Variants in TMED3 observed in about 807,000 individuals in gnomAD.
TMED3 encodes the protein transmembrane emp24 domain-containing protein 3.
Under a neutral mutation model 15.0 loss-of-function variants are expected in TMED3, and 9 were observed. The ratio of observed to expected loss-of-function variants is 0.60; its 90% CI spans 0.36 to 1.04. The LOEUF (loss-of-function observed/expected upper bound fraction) is 1.04. Among genes scored for constraint, TMED3 ranks in the 50% least tolerant of loss-of-function variants. TMED3 has a pLI of 0.01. For missense variants in TMED3, 267 were observed against 278.9 expected, an observed-to-expected ratio of 0.96 and a Z score of 0.30; for synonymous variants, 117 against 121.4, an observed-to-expected ratio of 0.96 and a Z score of 0.24.
intron 2 of TMED3, among the ~76,000 whole-genome samples, chr15:79,316,816 A>G (rs1324844551): frequency 6.6e-6 from 1 of 152,100 alleles, no homozygotes; most frequent in Non-Finnish European, 1.5e-5. Flanking sequence ...GGCCTGGAAA[A>G]ACAGGACCCT....
chr15:79,328,124 T>C (rs554948416), intron 2 of TMED3, among the ~76,000 whole-genome samples: 1 of 152,320 alleles, frequency 6.6e-6, no homozygotes, highest in African/African-American at 2.4e-5. Context: ...GGACTTTGAT[T>C]CAACAGTGGT....
chr15:79,332,175 C>T (rs1222695934), intron 2 of TMED3, among the ~76,000 whole-genome samples: 2 of 152,190 alleles, frequency 1.3e-5, no homozygotes, highest in East Asian at 1.9e-4. Flanking sequence ...GGCAAACTAT[C>T]GTACTGAACA....
At chr15:79,345,326 AG>A (rs2058866379) in intron 2 of TMED3, among the ~76,000 whole-genome samples, 1 of 151,886 alleles carries the variant, frequency 6.6e-6, no homozygotes, top group South Asian at 2.1e-4. Flanking sequence ...GATAGGCCAT[AG>A]TGTGTTGTTC....
intron 2 of TMED3, among the ~76,000 whole-genome samples, chr15:79,353,263 T>A (rs60190881): frequency 0.39 from 21,873 of 55,440 alleles, 4,080 homozygotes; most frequent in Middle Eastern, 0.64. Context: ...TAATATATAT[T>A]ATATATAATA....
chr15:79,327,204 A>C (rs2058790504), downstream of TMED3, among the ~76,000 whole-genome samples: 1 of 152,220 alleles, frequency 6.6e-6, no homozygotes, highest in East Asian at 1.9e-4. Context: ...ACAAACATCC[A>C]AACTATAGTG....
chr15:79,313,073 T>G (rs984335217), intron 1 of TMED3, among the ~76,000 whole-genome samples: 7 of 152,210 alleles, frequency 4.6e-5, no homozygotes, highest in African/African-American at 1.4e-4. Flanking sequence ...TGATAACTTA[T>G]TGACTCCTCA....
In TMED3 at chr15:79,408,202, G is replaced by A. The variant is rs1893926643; in HGVS notation, c.418-3198G>A. 4.6e-5 allele frequency among the ~76,000 whole-genome samples: 7 copies of A among 152,194 alleles called. No homozygotes were observed. In the South Asian group the frequency reaches 1.4e-3, roughly 32 times the overall value. On this transcript the variant is annotated intron_variant, in intron 2 of 2. Coordinates refer to the TMED3 transcript ENST00000424155. Reference sequence around the variant, plus strand: ...ATGTTTGTGTGTGAAATCCCTCTCTGCTCACATCACTCTACAGAGATCTTC... The same window carrying A: ...ATGTTTGTGTGTGAAATCCCTCTCTACTCACATCACTCTACAGAGATCTTC...
At chr15:79,392,150 T>G (rs1338491892) in intron 2 of TMED3, among the ~76,000 whole-genome samples, 2 of 152,180 alleles carry the variant, frequency 1.3e-5, no homozygotes, top group African/African-American at 4.8e-5. Context: ...GTACCTTGTT[T>G]TTTTTGTTTT....
intron 2 of TMED3, among the ~76,000 whole-genome samples, chr15:79,321,241 C>T (rs1166677974): frequency 1.3e-5 from 2 of 152,160 alleles, no homozygotes; most frequent in Non-Finnish European, 2.9e-5. Flanking sequence ...TCATCATATT[C>T]ACAGCTTTCT....
At chr15:79,382,263 C>T (rs1346660239) in intron 2 of TMED3, among the ~76,000 whole-genome samples, 2 of 152,162 alleles carry the variant, frequency 1.3e-5, no homozygotes, top group Non-Finnish European at 2.9e-5. Context: ...AGTTTTGACT[C>T]TTTACTGAGG....
At chr15:79,369,272 C>T (rs989866207) in intron 2 of TMED3, among the ~76,000 whole-genome samples, 1 of 152,072 alleles carries the variant, frequency 6.6e-6, no homozygotes, top group Non-Finnish European at 1.5e-5. Context: ...GGGGTTGCCT[C>T]GAGAGATAAT....
downstream of TMED3, among the ~76,000 whole-genome samples, chr15:79,327,210 T>C (rs76514580): frequency 5.3e-5 from 8 of 152,280 alleles, no homozygotes; most frequent in Non-Finnish European, 1.0e-4. Context: ...ATCCAAACTA[T>C]AGTGGGTCCC....
chr15:79,401,462 G>A (rs566828299), intron 2 of TMED3, among the ~76,000 whole-genome samples: 2 of 152,166 alleles, frequency 1.3e-5, no homozygotes, highest in Non-Finnish European at 2.9e-5. Context: ...TTGCCCCCAG[G>A]GGACATTTGG....
intron 2 of TMED3, among the ~76,000 whole-genome samples, chr15:79,378,454 C>T (rs1039572412): frequency 6.6e-6 from 1 of 152,166 alleles, no homozygotes; most frequent in Non-Finnish European, 1.5e-5. Context: ...TCCTTGAGCG[C>T]CTTGTCATCT....
intron 2 of TMED3, among the ~76,000 whole-genome samples, chr15:79,408,321 G>C (rs1395935): frequency 0.88 from 133,151 of 152,140 alleles, 58,686 homozygotes; most frequent in South Asian, 0.94. Flanking sequence ...TCTGCCAGTC[G>C]CAGTTCCTCC....
intron 2 of TMED3, among the ~76,000 whole-genome samples, chr15:79,401,753 G>T (rs1448543747): frequency 1.3e-5 from 2 of 152,202 alleles, no homozygotes; most frequent in Non-Finnish European, 2.9e-5. Context: ...AAAGAGAAAC[G>T]AGGGTGGAAG....
chr15:79,388,829 T>G (rs1893661396), intron 2 of TMED3, among the ~76,000 whole-genome samples: 1 of 152,224 alleles, frequency 6.6e-6, no homozygotes, highest in African/African-American at 2.4e-5. Flanking sequence ...CGATTTGCAT[T>G]TCCCTGATCA....
At chr15:79,329,652 G>A (rs565159544) in intron 2 of TMED3, among the ~76,000 whole-genome samples, 11 of 152,320 alleles carry the variant, frequency 7.2e-5, no homozygotes, top group South Asian at 4.1e-4. Context: ...CACAGGAGCC[G>A]CAGGAGCCTC....
chr15:79,321,419 G>A (rs2058766172), intron 2 of TMED3, among the ~76,000 whole-genome samples: 1 of 152,202 alleles, frequency 6.6e-6, no homozygotes, highest in African/African-American at 2.4e-5. Context: ...TTGCATGTGT[G>A]TGCATGTGCT....
Sources: gnomAD v4.1 joint callset for allele counts (sites outside exome capture counted in the v4.1 genomes callset) on GRCh38, gnomAD v4.1.1 for gene constraint, MANE v1.5 for transcripts, NCBI Gene and HGNC (gene_info 2026-07-23, HGNC 2026-07-21) for gene names.